Variants in UTS2 observed in about 807,000 individuals in gnomAD.
UTS2 encodes urotensin 2.
A neutral mutation model predicts 12.6 loss-of-function variants in UTS2; 10 were observed. The observed-to-expected ratio is 0.80, with a 90% CI of 0.49 to 1.35. The LOEUF is 1.35. UTS2 is among the 40% of genes most tolerant of loss of function. The pLI, the probability that UTS2 is intolerant of heterozygous loss-of-function variation, is 0.00. For synonymous variants in UTS2, 52 were observed against 50.0 expected, an observed-to-expected ratio of 1.04 and a Z score of -0.17; for missense variants, 142 against 143.2, an observed-to-expected ratio of 0.99 and a Z score of 0.04.
chr1:7,854,821 A>G (rs754949409), upstream of UTS2, among the ~76,000 whole-genome samples: 9 of 152,098 alleles, frequency 5.9e-5, no homozygotes, highest in Non-Finnish European at 1.0e-4. Flanking sequence ...CCATTCCACA[A>G]TGTATGCATA....
Position 7,850,896 on chromosome 1 carries a change from G to A in UTS2, c.130C>T (p.Pro44Ser). The A allele has an allele frequency of 6.2e-7, 1 of 1,614,180 alleles. No homozygotes were observed. The highest frequency in any genetic ancestry group is 2.2e-5 in the East Asian group (1 of 44,880). ...SAPHEDARLT[P>S]EELERASLLQ... ...AGGGAAGCTCTTTCTAGCTCCTCCG[G>A]AGTTAAGCGCGCGTCTTCATGAGGT... is the stretch of plus-strand genomic sequence containing the variant. Residue 44 changes from proline (P) to serine (S), a missense_variant, in exon 2 of 4, where the codon CCG becomes TCG. Physicochemically the swap from Pro to Ser is moderately conservative, Grantham distance 74. Coordinates refer to ENST00000361696, the MANE Select transcript of UTS2 (RefSeq NM_006786.4).
At chr1:7,891,045 C>A in the UTS2 span, among the ~76,000 whole-genome samples, 1 of 151,430 alleles carries the variant, frequency 6.6e-6, no homozygotes, top group South Asian at 2.1e-4. Flanking sequence ...TACAGCCATG[C>A]AGTGGAATAT....
chr1:7,867,650 G>T, the UTS2 span, among the ~76,000 whole-genome samples: 1 of 152,302 alleles, frequency 6.6e-6, no homozygotes, highest in Admixed American at 6.5e-5. Flanking sequence ...GCTGAGGCGA[G>T]TGGTCCCTTG....
the UTS2 span, among the ~76,000 whole-genome samples, chr1:7,874,449 T>A: frequency 6.6e-6 from 1 of 152,206 alleles, no homozygotes; most frequent in Non-Finnish European, 1.5e-5. Flanking sequence ...GGAGTCCTGC[T>A]GACATTCCGC....
chr1:7,864,686 C>A, the UTS2 span, among the ~76,000 whole-genome samples: 1 of 152,216 alleles, frequency 6.6e-6, no homozygotes, highest in South Asian at 2.1e-4. Flanking sequence ...ATCATTCGCA[C>A]CTTCCCGTCT....
At chr1:7,885,586 G>T in the UTS2 span, among the ~76,000 whole-genome samples, 1 of 152,134 alleles carries the variant, frequency 6.6e-6, no homozygotes, top group Non-Finnish European at 1.5e-5. Flanking sequence ...GATAGAGACG[G>T]GGCCGGGGAG....
At chr1:7,850,744 G>A in intron 2 of UTS2, 68 bp downstream of exon 2, 1 of 1,484,642 alleles carries the variant, frequency 6.7e-7, no homozygotes, top group Non-Finnish European at 9.4e-7. Flanking sequence ...ACCTCTTCTA[G>A]ATGAGGACAG....
chr1:7,855,855 C>T (rs756472766), upstream of UTS2, among the ~76,000 whole-genome samples: 2 of 151,058 alleles, frequency 1.3e-5, no homozygotes, highest in African/African-American at 4.8e-5. Context: ...CATGCCACCA[C>T]GCTCAGCTAG....
At chr1:7,885,384 C>T in the UTS2 span, among the ~76,000 whole-genome samples, 1 of 152,146 alleles carries the variant, frequency 6.6e-6, no homozygotes, top group Non-Finnish European at 1.5e-5. Context: ...ACAATGGCGG[C>T]CCAAACGGAG....
At chr1:7,883,417 T>C in the UTS2 span, among the ~76,000 whole-genome samples, 3 of 152,128 alleles carry the variant, frequency 2.0e-5, no homozygotes, top group African/African-American at 7.2e-5. Context: ...GGTTAATGGG[T>C]ACAAACAAAC....
the UTS2 span, among the ~76,000 whole-genome samples, chr1:7,859,180 G>T: frequency 6.6e-6 from 1 of 151,908 alleles, no homozygotes; most frequent in African/African-American, 2.4e-5. Context: ...ACATCATCGG[G>T]GTCCATTCTT....
chr1:7,868,866 T>C, the UTS2 span, among the ~76,000 whole-genome samples: 1 of 152,056 alleles, frequency 6.6e-6, no homozygotes, highest in African/African-American at 2.4e-5. Context: ...GAGACCCCCA[T>C]GATGGGATTA....
At chr1:7,884,588 C>A in the UTS2 span, among the ~76,000 whole-genome samples, 3 of 152,180 alleles carry the variant, frequency 2.0e-5, no homozygotes, top group Non-Finnish European at 4.4e-5. Flanking sequence ...GGATTACAGG[C>A]ATGAGCCATC....
rs772795371 is a variant in UTS2 at position 7,850,900 on chromosome 1, T to G, written c.126A>C (p.Leu42Phe). 6.2e-7 allele frequency: 1 copy of G among 1,614,182 alleles called. No individual in the cohort carries two copies. Among genetic ancestry groups the G allele is most frequent in the South Asian group, 1.1e-5 (1 of 91,078 alleles). Residue 42 changes from leucine (L) to phenylalanine (F), a missense_variant, in exon 2 of 4, where the codon TTA becomes TTC. By Grantham distance (22) the Leu-to-Phe change is conservative (BLOSUM62 0). Transcript: ENST00000361696. Reference sequence around the variant, plus strand: ...AAGCTCTTTCTAGCTCCTCCGGAGTTAAGCGCGCGTCTTCATGAGGTGCTA... The same window carrying G: ...AAGCTCTTTCTAGCTCCTCCGGAGTGAAGCGCGCGTCTTCATGAGGTGCTA... ...QLSAPHEDAR[L>F]TPEELERASL... is the part of the protein sequence containing the mutation.
chr1:7,893,210 A>G, the UTS2 span, among the ~76,000 whole-genome samples: 4 of 152,194 alleles, frequency 2.6e-5, no homozygotes, highest in African/African-American at 9.7e-5. Context: ...CATAGTAGGA[A>G]CAAAATATTA....
At chr1:7,895,210 A>T in the UTS2 span, among the ~76,000 whole-genome samples, 19,016 of 151,984 alleles carry the variant, frequency 0.13, 1,354 homozygotes, top group South Asian at 0.21. Context: ...CTCTACTAAA[A>T]ATACAAAAAT....
intron 1 of UTS2, 123 bp downstream of exon 1, chr1:7,852,778 A>C: frequency 9.0e-7 from 1 of 1,111,054 alleles, no homozygotes; most frequent in Non-Finnish European, 1.3e-6. Flanking sequence ...CAAAGCTGGG[A>C]CTATTGAGAG....
chr1:7,877,941 A>G, the UTS2 span, among the ~76,000 whole-genome samples: 479 of 152,340 alleles, frequency 3.1e-3, no homozygotes, highest in African/African-American at 0.01. Context: ...AGATACCGGA[A>G]GCTCAAAGAT....
At chr1:7,899,169 A>G in the UTS2 span, among the ~76,000 whole-genome samples, 1 of 152,082 alleles carries the variant, frequency 6.6e-6, no homozygotes, top group Non-Finnish European at 1.5e-5. Context: ...CCGCCCCATG[A>G]CCCAATCACC....
Sources: gnomAD v4.1 joint callset for allele counts (sites outside exome capture counted in the v4.1 genomes callset) on GRCh38, gnomAD v4.1.1 for gene constraint, MANE v1.5 for transcripts, NCBI Gene and HGNC (gene_info 2026-07-23, HGNC 2026-07-21) for gene names.